PTPRD: variants seen among roughly 807,000 people sequenced by gnomAD.
PTPRD encodes protein tyrosine phosphatase receptor type D.
Under a neutral mutation model 214.5 loss-of-function variants are expected in PTPRD, and 34 were observed. The ratio of observed to expected loss-of-function variants is 0.16; its 90% CI spans 0.12 to 0.21. The LOEUF (loss-of-function observed/expected upper bound fraction) is 0.21. Ranked by LOEUF, PTPRD falls within the 10% of genes least tolerant of loss-of-function variation. The pLI is 1.00. For missense variants in PTPRD, 2,545 were observed against 2,398.7 expected (o/e 1.06, Z -1.27); for synonymous variants, 1,128 against 845.7 (o/e 1.33, Z -5.79).
At chr9:9,241,408 G>A (rs1220779586) in intron 9 of PTPRD, among the ~76,000 whole-genome samples, 1 of 151,996 alleles carries the variant, frequency 6.6e-6, no homozygotes, top group East Asian at 1.9e-4. Context: ...TTTGTAATAG[G>A]ATACAAGGGG....
At chr9:9,145,787 C>G (rs571449521) in intron 10 of PTPRD, among the ~76,000 whole-genome samples, 1 of 152,254 alleles carries the variant, frequency 6.6e-6, no homozygotes, top group South Asian at 2.1e-4. Context: ...TATACTTTTT[C>G]CTTGTTCAAA....
chr9:9,365,814 C>T (rs935870278), intron 9 of PTPRD, among the ~76,000 whole-genome samples: 8 of 151,244 alleles, frequency 5.3e-5, no homozygotes, highest in African/African-American at 1.9e-4. Flanking sequence ...GCCTCATCTC[C>T]AAATCTATAA....
chr9:9,960,520 C>T (rs1025874278), intron 4 of PTPRD, among the ~76,000 whole-genome samples: 2 of 152,008 alleles, frequency 1.3e-5, no homozygotes, highest in African/African-American at 4.8e-5. Context: ...ACTACCTCAG[C>T]GAGGTGATCA....
At chr9:8,562,833 T>C (rs2086956115) in intron 14 of PTPRD, among the ~76,000 whole-genome samples, 1 of 151,776 alleles carries the variant, frequency 6.6e-6, no homozygotes, top group African/African-American at 2.4e-5. Flanking sequence ...CCTAATCCAA[T>C]CTGCAAAGAT....
At chr9:10,166,186 T>C (rs565413200) in intron 3 of PTPRD, among the ~76,000 whole-genome samples, 211 of 150,578 alleles carry the variant, frequency 1.4e-3, no homozygotes, top group African/African-American at 4.9e-3. Context: ...GAAGATACTG[T>C]TTAAATTTTT....
chr9:8,633,772 G>A (rs1422129537), intron 13 of PTPRD, among the ~76,000 whole-genome samples: 1 of 152,034 alleles, frequency 6.6e-6, no homozygotes, highest in Non-Finnish European at 1.5e-5. Flanking sequence ...AATTTTGCAA[G>A]AGGCTTGCAG....
intron 3 of PTPRD, among the ~76,000 whole-genome samples, chr9:10,082,594 T>C (rs990394604): frequency 6.6e-6 from 1 of 152,020 alleles, no homozygotes; most frequent in Non-Finnish European, 1.5e-5. Context: ...AAACTTCATA[T>C]GCATCTCAAG....
intron 2 of PTPRD, among the ~76,000 whole-genome samples, chr9:10,406,589 G>T (rs547269309): frequency 1.3e-5 from 2 of 151,506 alleles, no homozygotes; most frequent in Non-Finnish European, 3.0e-5. Context: ...CAAAATATCT[G>T]CAACCAACAT....
chr9:9,877,973 C>CAAAAAA (rs758528718), intron 5 of PTPRD, among the ~76,000 whole-genome samples: 4 of 70,648 alleles, frequency 5.7e-5, no homozygotes, highest in Non-Finnish European at 5.7e-5. Flanking sequence ...AACTCCATCT[C>CAAAAAA]AAAAAAAAAA....
intron 2 of PTPRD, among the ~76,000 whole-genome samples, chr9:10,492,580 T>A (rs1490148953): frequency 1.3e-5 from 2 of 152,170 alleles, no homozygotes; most frequent in Non-Finnish European, 2.9e-5. Flanking sequence ...TTCTTGTAAA[T>A]TTGTTTACAT....
At chr9:10,484,023 G>A (rs961636361) in intron 2 of PTPRD, among the ~76,000 whole-genome samples, 2 of 152,064 alleles carry the variant, frequency 1.3e-5, no homozygotes, top group South Asian at 4.1e-4. Context: ...ATCAAAATAA[G>A]TGTCCAACAA....
intron 4 of PTPRD, among the ~76,000 whole-genome samples, chr9:9,968,329 C>A (rs1262720205): frequency 6.6e-6 from 1 of 152,030 alleles, no homozygotes; most frequent in African/African-American, 2.4e-5. Flanking sequence ...TAGTACAACC[C>A]CTAAAACGTC....
intron 11 of PTPRD, among the ~76,000 whole-genome samples, chr9:8,756,268 CA>C (rs2093981547): frequency 1.3e-5 from 2 of 152,188 alleles, no homozygotes; most frequent in Admixed American, 6.5e-5. Context: ...TTGTTACCCT[CA>C]ACATGTTAAT....
chr9:10,576,642 C>G lies in PTPRD; in HGVS notation c.-600+35756G>C, dbSNP rs201389704. 2.0e-4 allele frequency among the ~76,000 whole-genome samples: 30 copies of G among 148,850 alleles called. 1 individual carries two copies. The highest frequency in any genetic ancestry group is 2.8e-4 in the Non-Finnish European group (19 of 67,398). ...GATTGTCTCATCACTGAAGCTTCAG[C>G]AAAACTTAAAATAACCATGTTGAGA... On this transcript the variant is annotated intron_variant, in intron 2 of 45. Transcript: ENST00000381196.
intron 11 of PTPRD, among the ~76,000 whole-genome samples, chr9:8,828,813 T>A (rs2097224088): frequency 6.6e-6 from 1 of 152,200 alleles, no homozygotes; most frequent in Admixed American, 6.5e-5. Context: ...ATACTCCCTA[T>A]AAAATTTGTG....
At chr9:9,275,871 G>T (rs1010818387) in intron 9 of PTPRD, among the ~76,000 whole-genome samples, 7 of 150,726 alleles carry the variant, frequency 4.6e-5, no homozygotes, top group African/African-American at 1.7e-4. Context: ...TTCTATAAAA[G>T]AAGGATTCTT....
intron 14 of PTPRD, among the ~76,000 whole-genome samples, chr9:8,575,705 T>C (rs755988845): frequency 1.1e-4 from 16 of 152,236 alleles, no homozygotes; most frequent in Non-Finnish European, 2.1e-4. Flanking sequence ...CAAGAATAAT[T>C]CAGAAAGGAA....
chr9:8,570,069 C>G (rs1033252965), intron 14 of PTPRD, among the ~76,000 whole-genome samples: 2 of 152,132 alleles, frequency 1.3e-5, no homozygotes, highest in Non-Finnish European at 2.9e-5. Context: ...CATCCTCTTA[C>G]AACAGCAAGA....
At chr9:8,690,461 A>T (rs2154381251) in intron 12 of PTPRD, among the ~76,000 whole-genome samples, 1 of 151,476 alleles carries the variant, frequency 6.6e-6, no homozygotes, top group African/African-American at 2.4e-5. Flanking sequence ...ACCAGGAGGG[A>T]GAGCTTGCAC....
Sources: gnomAD v4.1 joint callset for allele counts (sites outside exome capture counted in the v4.1 genomes callset) on GRCh38, gnomAD v4.1.1 for gene constraint, MANE v1.5 for transcripts, NCBI Gene and HGNC (gene_info 2026-07-23, HGNC 2026-07-21) for gene names.